Variants in ZNF469 observed in about 807,000 individuals in gnomAD.
The protein encoded by ZNF469 is zinc finger protein 469.
ZNF469 carries 1 observed loss-of-function variant against 1.0 expected under a neutral mutation model. That is an observed-to-expected ratio of 1.00 (90% CI 0.35 to 4.73). The LOEUF (loss-of-function observed/expected upper bound fraction) is 4.73, where lower values mean the gene tolerates loss of function less well. ZNF469 is among the 30% of genes most tolerant of loss of function. The pLI, the probability that ZNF469 is intolerant of heterozygous loss-of-function variation, is 0.16. For missense variants in ZNF469, 6,100 were observed against 5,356.3 expected, an observed-to-expected ratio of 1.14 and a Z score of -4.33; for synonymous variants, 2,703 against 2,363.4, an observed-to-expected ratio of 1.14 and a Z score of -4.17.
chr16:88,145,502 C>A, the ZNF469 span, among the ~76,000 whole-genome samples: 2 of 152,264 alleles, frequency 1.3e-5, no homozygotes, highest in African/African-American at 4.8e-5. Flanking sequence ...CCGGGCCGAG[C>A]TGCCCTCTTG....
At chr16:88,110,057 G>T in the ZNF469 span, among the ~76,000 whole-genome samples, 1 of 152,214 alleles carries the variant, frequency 6.6e-6, no homozygotes, top group East Asian at 1.9e-4. Context: ...CCTCACCATT[G>T]GTGACTCCTT....
the ZNF469 span, among the ~76,000 whole-genome samples, chr16:88,222,869 G>T: frequency 1.3e-5 from 2 of 149,666 alleles, no homozygotes; most frequent in South Asian, 4.5e-4. Context: ...AAAGTGCTGG[G>T]ATTATAGGCA....
At chr16:88,357,894 C>T in the ZNF469 span, among the ~76,000 whole-genome samples, 264 of 152,314 alleles carry the variant, frequency 1.7e-3, no homozygotes, top group African/African-American at 5.6e-3. Flanking sequence ...GTTGGGAGGA[C>T]GGAGCGGAAA....
chr16:88,303,081 A>T, the ZNF469 span, among the ~76,000 whole-genome samples: 1 of 152,124 alleles, frequency 6.6e-6, no homozygotes, highest in African/African-American at 2.4e-5. Flanking sequence ...CGGCTGAAGG[A>T]CAGGTTCCCT....
intron 1 of ZNF469, among the ~76,000 whole-genome samples, chr16:88,411,625 G>A (rs2142283719): frequency 6.6e-6 from 1 of 152,296 alleles, no homozygotes; most frequent in South Asian, 2.1e-4. Flanking sequence ...GGGGTGTAGG[G>A]AGCCCCAGGA....
At chr16:88,243,541 G>C in the ZNF469 span, among the ~76,000 whole-genome samples, 743 of 152,250 alleles carry the variant, frequency 4.9e-3, 14 homozygotes, top group African/African-American at 0.017. Flanking sequence ...AAGCGAACTT[G>C]GGTTCCCAGG....
At chr16:88,276,745 C>A in the ZNF469 span, among the ~76,000 whole-genome samples, 1 of 152,166 alleles carries the variant, frequency 6.6e-6, no homozygotes, top group Non-Finnish European at 1.5e-5. Context: ...TCAGTCAGGA[C>A]CCTGTAGATG....
At chr16:88,408,611 G>A (rs948237003) in intron 1 of ZNF469, among the ~76,000 whole-genome samples, 2 of 152,122 alleles carry the variant, frequency 1.3e-5, no homozygotes, top group African/African-American at 2.4e-5. Flanking sequence ...GACTGCCAAC[G>A]ACCTGCCAGC....
chr16:88,287,274 C>T, the ZNF469 span, among the ~76,000 whole-genome samples: 1 of 152,260 alleles, frequency 6.6e-6, no homozygotes, highest in Non-Finnish European at 1.5e-5. Context: ...TCAACGGACA[C>T]AGGAGTTTCC....
At chr16:88,273,788 ATTCACACTGTGGAATATT>A in the ZNF469 span, among the ~76,000 whole-genome samples, 1 of 151,396 alleles carries the variant, frequency 6.6e-6, no homozygotes, top group South Asian at 2.1e-4. Context: ...AATGTGGTGT[ATTCACACTGTGGAATATT>A]TTTTTTTTTT....
the ZNF469 span, among the ~76,000 whole-genome samples, chr16:88,112,776 T>C: frequency 2.0e-4 from 25 of 124,274 alleles, no homozygotes; most frequent in African/African-American, 7.9e-4. Context: ...CAGAAGCTTT[T>C]TTTTTTTTTT....
chr16:88,278,751 T>C, the ZNF469 span, among the ~76,000 whole-genome samples: 1 of 136,868 alleles, frequency 7.3e-6, no homozygotes, highest in African/African-American at 2.5e-5. Context: ...GCACGGTTAG[T>C]GCTGCGCCAC....
At chr16:88,295,620 C>G in the ZNF469 span, among the ~76,000 whole-genome samples, 1 of 152,134 alleles carries the variant, frequency 6.6e-6, no homozygotes, top group Non-Finnish European at 1.5e-5. Flanking sequence ...GCTGATCTGT[C>G]ATTGAGCTGT....
the ZNF469 span, among the ~76,000 whole-genome samples, chr16:88,296,044 G>C: frequency 6.6e-6 from 1 of 152,222 alleles, no homozygotes; most frequent in African/African-American, 2.4e-5. Flanking sequence ...GCTCTGCAGA[G>C]GATATTGCCC....
At chr16:88,288,983 T>C in the ZNF469 span, among the ~76,000 whole-genome samples, 1 of 151,984 alleles carries the variant, frequency 6.6e-6, no homozygotes, top group Admixed American at 6.6e-5. Context: ...TATAGTACAG[T>C]GGTGGTGATG....
rs1904760669 is a variant in ZNF469 at position 88,398,529 on chromosome 16, T to TGAGGG, written c.-192+15277_-192+15281dup. Among the ~76,000 whole-genome samples the TGAGGG allele has an allele frequency of 2.9e-5, 4 of 138,018 alleles. No individual in the cohort carries two copies. The South Asian group carries it at 9.1e-4, about 31-fold the overall frequency. 90.5% of individuals were successfully genotyped at this position (138,018 alleles called of 152,430 possible). On this transcript the variant is annotated intron_variant, in intron 1 of 2. Transcript: ENST00000565624. ...GACAAGAGGACATGTGAGCCACAGA[T>TGAGGG]GAGGGGTGTGTGAGCCACAGATGAA...
At chr16:88,118,447 G>C in the ZNF469 span, among the ~76,000 whole-genome samples, 18 of 152,166 alleles carry the variant, frequency 1.2e-4, no homozygotes, top group African/African-American at 4.3e-4. Flanking sequence ...GCTCGACCTG[G>C]TCCTGCCCGC....
At chr16:88,125,515 G>A in the ZNF469 span, among the ~76,000 whole-genome samples, 27,618 of 152,150 alleles carry the variant, frequency 0.18, 3,118 homozygotes, top group African/African-American at 0.32. Context: ...TCTATTGGCC[G>A]ATTTGGGAAG....
chr16:88,294,359 C>G, the ZNF469 span, among the ~76,000 whole-genome samples: 1 of 152,208 alleles, frequency 6.6e-6, no homozygotes, highest in Non-Finnish European at 1.5e-5. Context: ...CTTCCTTCCA[C>G]AAATACCTGC....
Sources: allele counts gnomAD v4.1 joint callset (sites outside exome capture counted in the v4.1 genomes callset), GRCh38; gene constraint gnomAD v4.1.1; transcripts MANE v1.5; gene names NCBI Gene and HGNC (gene_info 2026-07-23, HGNC 2026-07-21).